Variants in NOTCH2 observed in about 807,000 individuals in gnomAD.
NOTCH2 encodes neurogenic locus notch homolog protein 2.
Under a neutral mutation model 235.8 loss-of-function variants are expected in NOTCH2, and 29 were observed. The ratio of observed to expected loss-of-function variants is 0.12; its 90% CI spans 0.09 to 0.17. The LOEUF (loss-of-function observed/expected upper bound fraction) is 0.17. NOTCH2 is among the 10% of genes least tolerant of loss of function. The pLI is 1.00. For missense variants in NOTCH2, 2,285 were observed against 3,150.2 expected (o/e 0.73, Z 6.57); for synonymous variants, 1,086 against 1,141.5 (o/e 0.95, Z 0.98).
intron 5 of NOTCH2, among the ~76,000 whole-genome samples, chr1:119,986,487 C>T (rs782031225): frequency 6.6e-6 from 1 of 152,246 alleles, no homozygotes; most frequent in East Asian, 1.9e-4. Flanking sequence ...ATTAAGAGTA[C>T]CTGCCTAACA....
intron 2 of NOTCH2, among the ~76,000 whole-genome samples, chr1:120,006,400 A>C (rs1442910288): frequency 6.6e-6 from 1 of 150,690 alleles, no homozygotes; most frequent in Non-Finnish European, 1.5e-5. Context: ...TTCCACATTG[A>C]GGCACTGAGG....
At chr1:119,975,624 G>A (rs1452732360) in intron 5 of NOTCH2, among the ~76,000 whole-genome samples, 1 of 142,214 alleles carries the variant, frequency 7.0e-6, no homozygotes, top group Non-Finnish European at 1.5e-5. Flanking sequence ...CCAGCCTGGC[G>A]ACAGAGCAAG....
In NOTCH2 at chr1:119,942,189, CCT is replaced by C. The variant is rs1352275098; in HGVS notation, c.2753-437_2753-436del. On this transcript the variant is annotated intron_variant, in intron 17 of 33. Transcript: ENST00000256646. ...TTCTCTCTCCCTTTCATTTCCATCT[CCT>C]CTCTCTCTCTTTTTCTCTCTCTTTT... 3.4e-3 allele frequency among the ~76,000 whole-genome samples: 519 copies of C among 152,124 alleles called. 5 individuals are homozygous for C. The highest frequency in any genetic ancestry group is 0.012 in the African/African-American group (501 of 41,512).
intron 1 of NOTCH2, among the ~76,000 whole-genome samples, chr1:120,041,180 C>T (rs1261306053): frequency 7.9e-6 from 1 of 126,784 alleles, no homozygotes; most frequent in East Asian, 2.0e-4. Flanking sequence ...CAACTTGGGT[C>T]TCCTGGTCAA....
rs370197782 is a variant in NOTCH2 at position 119,913,772 on chromosome 1, A to G, written c.*1534T>C. The G allele has an allele frequency of 1.8e-4, 41 of 233,130 alleles. No homozygotes were observed. Among genetic ancestry groups the G allele is most frequent in the Middle Eastern group, 1.3e-3 (1 of 786 alleles). The allele number at this position is 233,130 out of a possible 1,614,324, so 14.4% of individuals were successfully genotyped here. A position where few individuals can be genotyped will look rare whatever the true frequency, so the allele number is the denominator to read the frequency against. Reference sequence around the variant, plus strand: ...AAGGAAAATGTTCTGTTGAGTTTCTACGTTAGTTGCCAAAGGGAATGTCAT... The same window carrying G: ...AAGGAAAATGTTCTGTTGAGTTTCTGCGTTAGTTGCCAAAGGGAATGTCAT... On this transcript the variant is annotated 3_prime_UTR_variant, in exon 34 of 34. Transcript: ENST00000256646.
At chr1:119,968,025 T>G in intron 7 of NOTCH2, 52 bp downstream of exon 7, 1 of 1,606,652 alleles carries the variant, frequency 6.2e-7, no homozygotes, top group Non-Finnish European at 8.5e-7. Context: ...GTTTAAACAT[T>G]TGCTGAGCTC....
At chr1:119,974,744 T>C (rs1553200717) in intron 5 of NOTCH2, among the ~76,000 whole-genome samples, 1 of 152,132 alleles carries the variant, frequency 6.6e-6, no homozygotes, top group African/African-American at 2.4e-5. Context: ...ATCAATAGAG[T>C]AGGTCTCCAA....
In NOTCH2 at chr1:119,915,503, G is replaced by T; in HGVS notation, c.7219C>A (p.His2407Asn). 6.2e-7 allele frequency: 1 copy of T among 1,614,112 alleles called. No homozygotes were observed. The highest frequency in any genetic ancestry group is 1.1e-5 in the South Asian group (1 of 91,068). ...AGGTAGGGATGCTCACCCTGGAGGTGACCACTGTGACTGGGTGTTCGCTCA... is the reference window on the plus strand; with the variant it reads ...AGGTAGGGATGCTCACCCTGGAGGTTACCACTGTGACTGGGTGTTCGCTCA... ...AAERTPSHSG[H>N]LQGEHPYLTP... Residue 2407 changes from histidine to asparagine, a missense_variant, in exon 34 of 34, where the codon CAC becomes AAC. By Grantham distance (68) the His-to-Asn change is moderately conservative. Coordinates refer to ENST00000256646, the MANE Select transcript of NOTCH2 (RefSeq NM_024408.4).
chr1:119,963,869 C>T (rs1651034818), intron 10 of NOTCH2, 62 bp from the exon 11 acceptor site: 2 of 1,350,674 alleles, frequency 1.5e-6, no homozygotes, highest in South Asian at 1.2e-5. Context: ...CACCAGAACA[C>T]AAGTGTAGCT....
chr1:119,931,631 T>C (rs1649663991), intron 22 of NOTCH2, among the ~76,000 whole-genome samples: 1 of 152,136 alleles, frequency 6.6e-6, no homozygotes, highest in South Asian at 2.1e-4. Flanking sequence ...CATGGGAATT[T>C]AGAATCTGGC....
At chr1:119,931,589 TAAAG>T (rs1553195122) in intron 22 of NOTCH2, among the ~76,000 whole-genome samples, 1 of 151,698 alleles carries the variant, frequency 6.6e-6, no homozygotes, top group African/African-American at 2.4e-5. Context: ...ACACAGAAAA[TAAAG>T]AAAATCCAGA....
At chr1:119,986,431 T>C (rs1220616646) in intron 5 of NOTCH2, among the ~76,000 whole-genome samples, 1 of 152,128 alleles carries the variant, frequency 6.6e-6, no homozygotes, top group Non-Finnish European at 1.5e-5. Flanking sequence ...CAAAAAGGGA[T>C]AGAAGAAAAA....
In NOTCH2 at chr1:119,941,859, T is replaced by C. The variant is rs1348884475; in HGVS notation, c.2753-105A>G. 4.6e-6 allele frequency: 4 copies of C among 879,020 alleles called. No homozygotes were observed. In the African/African-American group the frequency reaches 6.7e-5, roughly 15 times the overall value. The allele number at this position is 879,020 out of a possible 1,614,324, so 54.5% of individuals were successfully genotyped here. Reference sequence around the variant, plus strand: ...CTAAGTCATGCTGGGGGCAGCATAATTCTGACTTTTTCATTCAATTTTGCC... The same window carrying C: ...CTAAGTCATGCTGGGGGCAGCATAACTCTGACTTTTTCATTCAATTTTGCC... On this transcript the variant is annotated intron_variant, in intron 17 of 33. Coordinates refer to ENST00000256646, the MANE Select transcript of NOTCH2 (RefSeq NM_024408.4).
chr1:119,980,556 C>T (rs1361564784), intron 5 of NOTCH2, among the ~76,000 whole-genome samples: 1 of 152,174 alleles, frequency 6.6e-6, no homozygotes, highest in African/African-American at 2.4e-5. Flanking sequence ...CTTCCTCAAT[C>T]TAGCTTCTTA....
chr1:119,927,269 A>C (rs185356589), intron 23 of NOTCH2, among the ~76,000 whole-genome samples: 14 of 152,362 alleles, frequency 9.2e-5, no homozygotes, highest in Admixed American at 7.2e-4. Flanking sequence ...CCTGGCCAAC[A>C]GCAGGAGATA....
At chr1:119,986,124 T>G (rs1262222574) in intron 5 of NOTCH2, among the ~76,000 whole-genome samples, 1 of 152,224 alleles carries the variant, frequency 6.6e-6, no homozygotes, top group African/African-American at 2.4e-5. Flanking sequence ...ATTAAGATTC[T>G]TTGTAGGAGA....
rs923102043 is a variant in NOTCH2 at position 119,913,286 on chromosome 1, T to C, written c.*2020A>G. 3 of 233,236 alleles carry C rather than the reference T, an allele frequency of 1.3e-5. No individual in the cohort carries two copies. The highest frequency in any genetic ancestry group is 2.5e-5 in the Non-Finnish European group (3 of 118,068). The allele number at this position is 233,236 out of a possible 1,614,324, so 14.4% of individuals were successfully genotyped here. A position where few individuals can be genotyped will look rare whatever the true frequency, so the allele number is the denominator to read the frequency against. On this transcript the variant is annotated 3_prime_UTR_variant, in exon 34 of 34. Transcript: ENST00000256646. ...ATTATTTTTGTTGGTTCAATAAATT[T>C]GGATAGGACTGAAAAAACCATTTGT...
In NOTCH2 at chr1:119,923,446, C is replaced by T. The variant is rs144416375; in HGVS notation, c.4859+191G>A. Among the ~76,000 whole-genome samples, 1,029 of 152,332 alleles carry T rather than the reference C, an allele frequency of 6.8e-3. 5 individuals carry two copies. Among genetic ancestry groups the T allele is most frequent in the Non-Finnish European group, 0.01 (689 of 68,028 alleles). The stretch of plus-strand genomic sequence containing the variant: ...TCTGCCTCCTGTGTACCCCTGCCCA[C>T]TTTTCAGCCAAGACGAAGGCATATC... On this transcript the variant is annotated intron_variant, in intron 26 of 33. Transcript: ENST00000256646.
intron 6 of NOTCH2, 117 bp downstream of exon 6, chr1:119,969,394 G>A (rs781935661): frequency 2.2e-5 from 19 of 868,388 alleles, no homozygotes; most frequent in Non-Finnish European, 3.4e-5. Flanking sequence ...AGTCCTGAGT[G>A]ATATGTTCCC....
Sources: gnomAD v4.1 joint callset for allele counts (sites outside exome capture counted in the v4.1 genomes callset) on GRCh38, gnomAD v4.1.1 for gene constraint, MANE v1.5 for transcripts, NCBI Gene and HGNC (gene_info 2026-07-23, HGNC 2026-07-21) for gene names.